Variants in TULP3 observed in about 807,000 individuals in gnomAD.
TULP3 encodes TUB like protein 3.
In TULP3, 38 loss-of-function variants were observed where a neutral mutation model predicts 50.7. The observed-to-expected ratio is 0.75, with a 90% confidence interval of 0.58 to 0.98. TULP3 has a LOEUF of 0.98. Among genes scored for constraint, TULP3 ranks in the 50% least tolerant of loss-of-function variants. TULP3 has a pLI of 0.00. For synonymous variants in TULP3, 183 were observed against 196.6 expected (o/e 0.93, Z 0.58); for missense variants, 550 against 568.0 (o/e 0.97, Z 0.32).
intron 2 of TULP3, among the ~76,000 whole-genome samples, chr12:2,915,719 A>G (rs1053509686): frequency 1.3e-5 from 2 of 151,450 alleles, no homozygotes; most frequent in African/African-American, 4.8e-5. Flanking sequence ...TAATTTTTTT[A>G]ATTTTTAGTA....
intron 1 of TULP3, 90 bp downstream of exon 1, chr12:2,891,078 G>T: frequency 7.2e-7 from 1 of 1,398,470 alleles, no homozygotes; most frequent in Non-Finnish European, 9.4e-7. Context: ...CCTGCGGGGA[G>T]AGGGCGGGAC....
At chr12:2,921,142 G>A (rs1591532093) in intron 3 of TULP3, among the ~76,000 whole-genome samples, 1 of 152,040 alleles carries the variant, frequency 6.6e-6, no homozygotes, top group Admixed American at 6.6e-5. Flanking sequence ...TAGAACTGTT[G>A]TTTTCTTTTT....
At position 2,939,352 on chromosome 12, in the gene TULP3, G is replaced by T. The variant is rs773320390; in HGVS notation, c.1237G>T (p.Val413Leu). Residue 413 changes from valine to leucine, a missense_variant, in exon 11 of 11, where the codon GTG (valine) becomes TTG (leucine). Coordinates refer to ENST00000448120, the MANE Select transcript of TULP3 (RefSeq NM_003324.5). This position sits in a 1 kb window ranked among gnomAD's most constrained non-coding sequence, Gnocchi z 4.0. Reference protein sequence around the residue: ...VMQFGRVADDVFTLDYNYPLC... With the variant: ...VMQFGRVADDLFTLDYNYPLC... The stretch of plus-strand genomic sequence containing the variant: ...GCAGTTTGGACGTGTGGCAGATGAC[G>T]TGTTCACACTGGATTACAACTACCC... 6 of 1,614,206 alleles carry T rather than the reference G, an allele frequency of 3.7e-6. No individual in the cohort carries two copies. The highest frequency in any genetic ancestry group is 1.3e-5 in the African/African-American group (1 of 75,046).
chr12:2,905,995 C>T (rs10848730), intron 1 of TULP3, among the ~76,000 whole-genome samples: 25,952 of 150,266 alleles, frequency 0.17, 2,515 homozygotes, highest in East Asian at 0.28. Flanking sequence ...GCACTCTAGC[C>T]CAGGCGACAG....
chr12:2,929,275 C>T (rs1156754875), intron 4 of TULP3, among the ~76,000 whole-genome samples: 1 of 152,024 alleles, frequency 6.6e-6, no homozygotes, highest in Non-Finnish European at 1.5e-5. Context: ...CGAGATCGCG[C>T]CACTGCGCTC....
At position 2,939,888 on chromosome 12, in the gene TULP3, A is replaced by T; in HGVS notation, c.*444A>T. 1 of 1,231,368 alleles carries T rather than the reference A, an allele frequency of 8.1e-7. No homozygotes were observed. Among genetic ancestry groups the T allele is most frequent in the African/African-American group, 1.6e-5 (1 of 64,330 alleles). The allele number at this position is 1,231,368 out of a possible 1,614,324, so 76.3% of individuals were successfully genotyped here. On this transcript the variant is annotated 3_prime_UTR_variant, in exon 11 of 11. Coordinates refer to ENST00000448120, the MANE Select transcript of TULP3 (RefSeq NM_003324.5). The surrounding 1 kb of genome is among the most constrained non-coding windows in gnomAD (Gnocchi z 4.0). ...GATCACAGCTTAGCATGGGTGAGAG[A>T]TGATTTAAAGCACAGGGAGATTCTT...
intron 1 of TULP3, among the ~76,000 whole-genome samples, chr12:2,903,389 C>T (rs12313535): frequency 0.48 from 71,933 of 150,652 alleles, 17,560 homozygotes; most frequent in African/African-American, 0.6. Flanking sequence ...AGGGAGAAAC[C>T]CCGTCTCCAC....
chr12:2,910,335 C>T (rs1681756725), intron 2 of TULP3, among the ~76,000 whole-genome samples: 1 of 152,126 alleles, frequency 6.6e-6, no homozygotes, highest in African/African-American at 2.4e-5. Context: ...GCTGCTGGCA[C>T]ATTTAGTTTG....
In TULP3 at chr12:2,911,664, C is replaced by CTTTTTTTTTTTTTTTTTTTTTT. The variant is rs56027951; in HGVS notation, c.93+2106_93+2127dup. Among the ~76,000 whole-genome samples, 5 of 38,172 alleles carry CTTTTTTTTTTTTTTTTTTTTTT rather than the reference C, an allele frequency of 1.3e-4. 1 individual carries two copies. Among genetic ancestry groups the CTTTTTTTTTTTTTTTTTTTTTT allele is most frequent in the Non-Finnish European group, 2.0e-4 (4 of 19,592 alleles). The allele number at this position is 38,172 out of a possible 152,430, so 25.0% of individuals were successfully genotyped here. A position where few individuals can be genotyped will look rare whatever the true frequency, so the allele number is the denominator to read the frequency against. On this transcript the variant is annotated intron_variant, in intron 2 of 10. Transcript: ENST00000448120. Reference sequence around the variant, plus strand: ...ACAGGCGTGAGCCACTGCGCCCAGCCTTTTTTTTTTTTTTTTTTTTTTTTT... The same window carrying CTTTTTTTTTTTTTTTTTTTTTT: ...ACAGGCGTGAGCCACTGCGCCCAGCCTTTTTTTTTTTTTTTTTTTTTTTTTTTTTTTTTTTTTTTTTTTTTTT...
At position 2,937,200 on chromosome 12, in the gene TULP3, A is replaced by ATTTTTTTTTTTTTTTTTTT. The variant is rs771074689; in HGVS notation, c.925-418_925-400dup. Among the ~76,000 whole-genome samples, 17 of 54,466 alleles carry ATTTTTTTTTTTTTTTTTTT rather than the reference A, an allele frequency of 3.1e-4. 5 individuals are homozygous for ATTTTTTTTTTTTTTTTTTT. The highest frequency in any genetic ancestry group is 1.0e-3 in the African/African-American group (14 of 13,456). 35.7% of individuals were successfully genotyped at this position (54,466 alleles called of 152,430 possible). A position where few individuals can be genotyped will look rare whatever the true frequency, so the allele number is the denominator to read the frequency against. On this transcript the variant is annotated intron_variant, in intron 8 of 10. Coordinates refer to ENST00000448120, the MANE Select transcript of TULP3 (RefSeq NM_003324.5). ...AATAAAATTATTTTTGGTACACCTG[A>ATTTTTTTTTTTTTTTTTTT]TTTTTTTTTTTTTTTTTTTTTTTTT...
rs1222770419 is a variant in TULP3 at position 2,939,421 on chromosome 12, G to A, written c.1306G>A (p.Asp436Asn). ...CTTTGGCATCGGTCTTTCTAGCTTT[G>A]ACAGTAAGCTGGCGTGTGAATGAGA... ...QAFGIGLSSF[D>N]SKLACE Residue 436 changes from aspartate (D) to asparagine (N), a missense_variant, in exon 11 of 11, where the codon GAC (aspartate) becomes AAC (asparagine). Coordinates refer to ENST00000448120, the MANE Select transcript of TULP3 (RefSeq NM_003324.5). The surrounding 1 kb of genome is among the most constrained non-coding windows in gnomAD (Gnocchi z 4.0). 6.2e-7 allele frequency: 1 copy of A among 1,614,124 alleles called. No homozygotes were observed. Among genetic ancestry groups the A allele is most frequent in the East Asian group, 2.2e-5 (1 of 44,870 alleles).
At chr12:2,894,488 C>T (rs1049665966) in intron 1 of TULP3, among the ~76,000 whole-genome samples, 4 of 151,834 alleles carry the variant, frequency 2.6e-5, no homozygotes, top group Admixed American at 6.6e-5. Flanking sequence ...TGAGCCAAGA[C>T]TGTGCCACTG....
intron 3 of TULP3, 61 bp from the exon 4 acceptor site, chr12:2,922,201 T>A: frequency 3.2e-6 from 5 of 1,567,358 alleles, no homozygotes; most frequent in Non-Finnish European, 4.3e-6. Context: ...ATGCCAAATC[T>A]ACCCAACTAG....
Position 2,901,296 on chromosome 12 carries a change from CT to C in TULP3, c.42-8230del, listed in dbSNP as rs34209864. Among the ~76,000 whole-genome samples, 1,133 of 134,892 alleles carry C rather than the reference CT, an allele frequency of 8.4e-3. 12 individuals carry two copies. The highest frequency in any genetic ancestry group is 0.011 in the Non-Finnish European group (713 of 63,886). 88.5% of individuals were successfully genotyped at this position (134,892 alleles called of 152,430 possible). A position where few individuals can be genotyped will look rare whatever the true frequency, so the allele number is the denominator to read the frequency against. On this transcript the variant is annotated intron_variant, in intron 1 of 10. Coordinates refer to ENST00000448120, the MANE Select transcript of TULP3 (RefSeq NM_003324.5). Reference sequence around the variant, plus strand: ...ACCTGGCTAATTTGATTTTTTTTTTCTTTCTTTCTTTCTTTCTTTTTTTTTT... The same window carrying C: ...ACCTGGCTAATTTGATTTTTTTTTTCTTCTTTCTTTCTTTCTTTTTTTTTT...
In TULP3 at chr12:2,939,268, A is replaced by C. The variant is rs1422399435; in HGVS notation, c.1196-43A>C. On this transcript the variant is annotated intron_variant, in intron 10 of 10. Coordinates refer to ENST00000448120, the MANE Select transcript of TULP3 (RefSeq NM_003324.5). This position sits in a 1 kb window ranked among gnomAD's most constrained non-coding sequence, Gnocchi z 4.0. ...AAAAGAAAAAGATTTCCCTGAGTGC[A>C]ACCACATTATATTCTAACATGTTGA... The C allele has an allele frequency of 1.3e-6, 2 of 1,598,320 alleles. No homozygotes were observed. The highest frequency in any genetic ancestry group is 1.1e-5 in the South Asian group (1 of 89,456).
chr12:2,925,894 G>A (rs375928120), intron 4 of TULP3, among the ~76,000 whole-genome samples: 1 of 152,264 alleles, frequency 6.6e-6, no homozygotes, highest in Middle Eastern at 3.4e-3. Context: ...ATGGCTGTTC[G>A]TTTTCAGAAT....
intron 3 of TULP3, among the ~76,000 whole-genome samples, 177 bp downstream of exon 3, chr12:2,921,099 C>T (rs1463321551): frequency 6.6e-6 from 1 of 152,132 alleles, no homozygotes; most frequent in African/African-American, 2.4e-5. Context: ...ATGATATAAT[C>T]AGTGGAAGAT....
intron 1 of TULP3, 85 bp downstream of exon 1, chr12:2,891,073 G>A (rs1010568753): frequency 2.8e-6 from 4 of 1,404,650 alleles, no homozygotes; most frequent in South Asian, 1.4e-5. Flanking sequence ...GGAGCCCTGC[G>A]GGGAGAGGGC....
At chr12:2,917,658 A>T (rs2098189390) in intron 2 of TULP3, among the ~76,000 whole-genome samples, 3 of 152,074 alleles carry the variant, frequency 2.0e-5, no homozygotes, top group Admixed American at 2.0e-4. Context: ...CGGGCGGATC[A>T]TGAGGTCAGG....
Sources: allele counts gnomAD v4.1 joint callset (sites outside exome capture counted in the v4.1 genomes callset), GRCh38; gene constraint gnomAD v4.1.1; non-coding constraint Gnocchi (gnomAD v3.1); transcripts MANE v1.5; gene names NCBI Gene and HGNC (gene_info 2026-07-23, HGNC 2026-07-21).